PHF21B: variants seen among roughly 807,000 people sequenced by gnomAD.
PHF21B encodes PHD finger protein 21B.
PHF21B carries 22 observed loss-of-function variants against 62.2 expected under a neutral mutation model. The ratio of observed to expected loss-of-function variants is 0.35; its 90% CI spans 0.25 to 0.51. PHF21B has a LOEUF of 0.51. Among genes scored for constraint, PHF21B ranks in the 20% least tolerant of loss-of-function variants. PHF21B has a pLI of 0.97. For synonymous variants in PHF21B, 341 were observed against 314.7 expected (o/e 1.08, Z -0.88); for missense variants, 701 against 707.9 (o/e 0.99, Z 0.11).
At chr22:44,910,445 A>G (rs1029748703) in intron 5 of PHF21B, among the ~76,000 whole-genome samples, 4 of 152,150 alleles carry the variant, frequency 2.6e-5, no homozygotes, top group African/African-American at 9.7e-5. Flanking sequence ...GTCCCCATCC[A>G]AATCTCATCT....
intron 2 of PHF21B, among the ~76,000 whole-genome samples, chr22:44,945,366 T>C (rs1469663186): frequency 3.3e-5 from 5 of 152,192 alleles, no homozygotes; most frequent in Admixed American, 2.6e-4. Flanking sequence ...ACATGAAGCA[T>C]GGGAGGCACT....
chr22:44,882,998 G>C lies in PHF21B; in HGVS notation c.*88C>G. ...TTAATTTTTGTCTGAAATTCATAGTGTTTATGAATTAAGGCCGACAGAACC... is the reference window on the plus strand; with the variant it reads ...TTAATTTTTGTCTGAAATTCATAGTCTTTATGAATTAAGGCCGACAGAACC... On this transcript the variant is annotated 3_prime_UTR_variant, in exon 13 of 13. Transcript: ENST00000313237. 1.4e-6 allele frequency: 2 copies of C among 1,386,576 alleles called. No homozygotes were observed. Among genetic ancestry groups the C allele is most frequent in the South Asian group, 2.7e-5 (2 of 73,146 alleles). 85.9% of individuals were successfully genotyped at this position (1,386,576 alleles called of 1,614,324 possible). A position where few individuals can be genotyped will look rare whatever the true frequency, so the allele number is the denominator to read the frequency against.
intron 2 of PHF21B, among the ~76,000 whole-genome samples, chr22:44,955,953 C>G (rs570609291): frequency 6.6e-6 from 1 of 152,362 alleles, no homozygotes; most frequent in African/African-American, 2.4e-5. Flanking sequence ...AGGGCACGCA[C>G]TTCCCTGGCA....
intron 1 of PHF21B, chr22:45,008,896 G>C (rs1441528288): frequency 8.5e-7 from 1 of 1,171,790 alleles, no homozygotes; most frequent in African/African-American, 1.6e-5. Flanking sequence ...CGGGGTGCGT[G>C]TGCGAGTGAG....
At chr22:44,900,148 G>A (rs193209855) in intron 5 of PHF21B, among the ~76,000 whole-genome samples, 10 of 151,722 alleles carry the variant, frequency 6.6e-5, no homozygotes, top group Admixed American at 1.3e-4. Context: ...ATATATTATC[G>A]GAACACATCA....
chr22:44,929,393 G>A (rs1055330554), intron 2 of PHF21B, among the ~76,000 whole-genome samples: 7 of 152,184 alleles, frequency 4.6e-5, no homozygotes, highest in Non-Finnish European at 7.3e-5. Flanking sequence ...TGAGCCCCAA[G>A]CTCATCCAGG....
At position 45,009,477 on chromosome 22, in the gene PHF21B, C is replaced by T; in HGVS notation, c.54+19G>A. 2 of 1,530,928 alleles carry T rather than the reference C, an allele frequency of 1.3e-6. No homozygotes were observed. Among genetic ancestry groups the T allele is most frequent in the Non-Finnish European group, 1.7e-6 (2 of 1,145,472 alleles). 94.8% of individuals were successfully genotyped at this position (1,530,928 alleles called of 1,614,324 possible). Reference sequence around the variant, plus strand: ...CGCAACACACTCCCCGGCCCCGGGCCCGGCCCCCGGCCACCTACCTGGTGG... The same window carrying T: ...CGCAACACACTCCCCGGCCCCGGGCTCGGCCCCCGGCCACCTACCTGGTGG... On this transcript the variant is annotated intron_variant, in intron 1 of 12. Coordinates refer to ENST00000313237, the MANE Select transcript of PHF21B (RefSeq NM_138415.5). This position sits in a 1 kb window ranked among gnomAD's most constrained non-coding sequence, Gnocchi z 5.9.
chr22:44,945,222 C>T (rs1167690244), intron 2 of PHF21B, among the ~76,000 whole-genome samples: 2 of 152,214 alleles, frequency 1.3e-5, no homozygotes, highest in African/African-American at 2.4e-5. Flanking sequence ...CCATCTCCTC[C>T]GTGTTGGGAG....
chr22:45,008,982 A>C (rs2147557144), intron 1 of PHF21B: 1 of 1,084,782 alleles, frequency 9.2e-7, no homozygotes, highest in Non-Finnish European at 1.1e-6. Flanking sequence ...GTGTCGAGCA[A>C]AGCTCATAAA....
intron 2 of PHF21B, among the ~76,000 whole-genome samples, chr22:44,970,316 C>A (rs1314862857): frequency 1.3e-5 from 2 of 152,226 alleles, no homozygotes; most frequent in Admixed American, 6.5e-5. Flanking sequence ...TTTTTATAGG[C>A]TCGAGATTCC....
At chr22:44,962,379 C>A (rs570036618) in intron 2 of PHF21B, among the ~76,000 whole-genome samples, 1 of 152,208 alleles carries the variant, frequency 6.6e-6, no homozygotes, top group African/African-American at 2.4e-5. Context: ...ACACACCTGG[C>A]CTGCTGAACA....
At chr22:44,935,155 C>T (rs1292536497) in intron 2 of PHF21B, among the ~76,000 whole-genome samples, 1 of 152,198 alleles carries the variant, frequency 6.6e-6, no homozygotes, top group Non-Finnish European at 1.5e-5. Flanking sequence ...CTGCGTCTAA[C>T]TGGAAGCTTC....
At chr22:44,939,848 C>G (rs1430268518) in intron 2 of PHF21B, among the ~76,000 whole-genome samples, 6 of 152,108 alleles carry the variant, frequency 3.9e-5, no homozygotes, top group Non-Finnish European at 8.8e-5. Flanking sequence ...AGAGGCTGCC[C>G]ACGGAGGCAG....
At position 45,008,625 on chromosome 22, in the gene PHF21B, A is replaced by G. The variant is rs1289101011; in HGVS notation, c.55-15T>C. 2 of 1,563,590 alleles carry G rather than the reference A, an allele frequency of 1.3e-6. No individual in the cohort carries two copies. The highest frequency in any genetic ancestry group is 1.8e-4 in the Middle Eastern group (1 of 5,472). On this transcript the variant is annotated splice_polypyrimidine_tract_variant and intron_variant, in intron 1 of 12. Coordinates refer to ENST00000313237, the MANE Select transcript of PHF21B (RefSeq NM_138415.5). ...AGGTCGCCGTTCTGCGGAAACACGG[A>G]GGAGCGGGCTCAGGCAGGCCACCCG...
intron 2 of PHF21B, among the ~76,000 whole-genome samples, chr22:44,973,762 T>G (rs1247507386): frequency 6.6e-6 from 1 of 152,052 alleles, no homozygotes; most frequent in Non-Finnish European, 1.5e-5. Context: ...AGTGTAAGGG[T>G]GGGGTCGCCA....
chr22:44,986,155 GCACCAC>G (rs749565741), intron 2 of PHF21B, among the ~76,000 whole-genome samples: 2 of 121,152 alleles, frequency 1.7e-5, no homozygotes, highest in Non-Finnish European at 3.5e-5. Context: ...AACACCATGA[GCACCAC>G]CATCACCATG....
chr22:45,008,938 G>C, intron 1 of PHF21B: 1 of 1,099,848 alleles, frequency 9.1e-7, no homozygotes, highest in Non-Finnish European at 1.1e-6. Context: ...GGGGAGGGGG[G>C]AGGAACAAAG....
chr22:44,947,572 C>T (rs1364472974), intron 2 of PHF21B, among the ~76,000 whole-genome samples: 1 of 151,860 alleles, frequency 6.6e-6, no homozygotes. Flanking sequence ...GAGCACTCAC[C>T]GCAGCCCCGC....
intron 2 of PHF21B, among the ~76,000 whole-genome samples, chr22:44,987,235 T>C (rs1601682502): frequency 1.3e-5 from 2 of 151,168 alleles, no homozygotes; most frequent in Admixed American, 1.3e-4. Context: ...GTGGCAGAGG[T>C]AGGAAAAAAT....
Sources: gnomAD v4.1 joint callset for allele counts (sites outside exome capture counted in the v4.1 genomes callset) on GRCh38, gnomAD v4.1.1 for gene constraint, Gnocchi (gnomAD v3.1) non-coding constraint, MANE v1.5 for transcripts, NCBI Gene and HGNC (gene_info 2026-07-23, HGNC 2026-07-21) for gene names.